LIMCH1: variants seen among roughly 807,000 people sequenced by gnomAD.
LIMCH1 encodes the protein LIM and calponin homology domains 1, also known as LIM and calponin homology domains-containing protein 1.
A neutral mutation model predicts 176.5 loss-of-function variants in LIMCH1; 113 were observed. The observed-to-expected ratio is 0.64, with a 90% CI of 0.55 to 0.75. The LOEUF is 0.75. Ranked by LOEUF, LIMCH1 falls within the 30% of genes least tolerant of loss-of-function variation. The pLI, the probability that LIMCH1 is intolerant of heterozygous loss-of-function variation, is 0.00. For synonymous variants in LIMCH1, 619 were observed against 645.9 expected (o/e 0.96, Z 0.63); for missense variants, 1,674 against 1,814.9 (o/e 0.92, Z 1.41).
intron 1 of LIMCH1, among the ~76,000 whole-genome samples, chr4:41,578,444 C>G (rs2084863545): frequency 6.6e-6 from 1 of 152,150 alleles, no homozygotes; most frequent in Admixed American, 6.5e-5. Flanking sequence ...CATAGTCAAA[C>G]CATATCAATT....
intron 18 of LIMCH1, among the ~76,000 whole-genome samples, chr4:41,656,381 G>A (rs1288582109): frequency 6.6e-6 from 1 of 152,096 alleles, no homozygotes; most frequent in Non-Finnish European, 1.5e-5. Flanking sequence ...TTGTAAGATT[G>A]CTAGATTTAA....
chr4:41,572,814 C>T (rs1029502861), intron 1 of LIMCH1, among the ~76,000 whole-genome samples: 7 of 152,260 alleles, frequency 4.6e-5, no homozygotes, highest in Non-Finnish European at 7.4e-5. Flanking sequence ...AGACATAAGG[C>T]AACGGGAATG....
chr4:41,566,048 G>C lies in LIMCH1; in HGVS notation c.-241+27698G>C, dbSNP rs1471536953. Among the ~76,000 whole-genome samples, 4 of 152,316 alleles carry C rather than the reference G, an allele frequency of 2.6e-5. No individual in the cohort carries two copies. In the East Asian group the frequency reaches 7.7e-4, roughly 29 times the overall value. The stretch of plus-strand genomic sequence containing the variant: ...TCACAAAATTAGTAAGACAGAGCCA[G>C]AGTTCAAACCAAAGTCTGTCTCATT... On this transcript the variant is annotated intron_variant, in intron 1 of 31. Coordinates refer to ENST00000503057, the MANE Select transcript of LIMCH1 (RefSeq NM_001330672.2).
chr4:41,575,698 G>T (rs1272939060), intron 1 of LIMCH1, among the ~76,000 whole-genome samples: 1 of 152,146 alleles, frequency 6.6e-6, no homozygotes, highest in African/African-American at 2.4e-5. Flanking sequence ...TATGTGAAAG[G>T]AGCTGTGTCT....
At chr4:41,614,068 T>G (rs2091786359) in intron 5 of LIMCH1, among the ~76,000 whole-genome samples, 1 of 152,172 alleles carries the variant, frequency 6.6e-6, no homozygotes, top group Non-Finnish European at 1.5e-5. Context: ...CAACTTCCAG[T>G]AAACTGGAAA....
intron 1 of LIMCH1, among the ~76,000 whole-genome samples, chr4:41,433,272 G>A (rs2061761405): frequency 6.6e-6 from 1 of 152,168 alleles, no homozygotes; most frequent in African/African-American, 2.4e-5. Flanking sequence ...TCTTACTGCT[G>A]TGCTGTGTCA....
At chr4:41,525,149 CT>C (rs2076497630) in intron 3 of LIMCH1, among the ~76,000 whole-genome samples, 1 of 152,072 alleles carries the variant, frequency 6.6e-6, no homozygotes, top group African/African-American at 2.4e-5. Flanking sequence ...TCGATGTTGC[CT>C]TTGTGTAGAA....
At chr4:41,660,107 T>C (rs1170389812) in intron 18 of LIMCH1, among the ~76,000 whole-genome samples, 1 of 152,196 alleles carries the variant, frequency 6.6e-6, no homozygotes, top group Non-Finnish European at 1.5e-5. Context: ...TAGGCATGTA[T>C]ATAATCATAT....
chr4:41,657,065 G>T (rs1320088897), intron 18 of LIMCH1, among the ~76,000 whole-genome samples: 1 of 152,076 alleles, frequency 6.6e-6, no homozygotes, highest in Non-Finnish European at 1.5e-5. Flanking sequence ...CCTCCCACCT[G>T]AGGCCCCAGG....
chr4:41,439,366 G>A (rs2062454411), intron 1 of LIMCH1, among the ~76,000 whole-genome samples: 1 of 152,124 alleles, frequency 6.6e-6, no homozygotes, highest in South Asian at 2.1e-4. Flanking sequence ...TGCATGGATC[G>A]CTTGAGCCCA....
chr4:41,596,247 G>A (rs972742592), intron 1 of LIMCH1, among the ~76,000 whole-genome samples: 4 of 150,952 alleles, frequency 2.6e-5, no homozygotes, highest in South Asian at 2.1e-4. Flanking sequence ...ACATGTAAAC[G>A]TACCAAATGA....
At chr4:41,473,035 A>G (rs1187220026) in intron 1 of LIMCH1, 1 of 984,354 alleles carries the variant, frequency 1.0e-6, no homozygotes, top group Admixed American at 6.2e-5. Context: ...GCCAATCTCC[A>G]CGAAATAATA....
At chr4:41,566,870 T>A (rs1487546028) in intron 1 of LIMCH1, among the ~76,000 whole-genome samples, 1 of 152,176 alleles carries the variant, frequency 6.6e-6, no homozygotes, top group African/African-American at 2.4e-5. Context: ...GCATCAGAAA[T>A]TGACCACTTC....
At chr4:41,644,657 G>C in intron 15 of LIMCH1, 31 bp downstream of exon 15, 2 of 1,587,662 alleles carry the variant, frequency 1.3e-6, no homozygotes, top group Non-Finnish European at 1.7e-6. Context: ...GCGGGCAGCG[G>C]GGAGGCTTCT....
chr4:41,512,224 G>T (rs182473551), intron 2 of LIMCH1, among the ~76,000 whole-genome samples: 92 of 152,248 alleles, frequency 6.0e-4, no homozygotes, highest in African/African-American at 2.1e-3. Flanking sequence ...CACCTACTAG[G>T]ATGGCTATAA....
chr4:41,477,317 A>G (rs1233737502), intron 1 of LIMCH1, among the ~76,000 whole-genome samples: 1 of 152,196 alleles, frequency 6.6e-6, no homozygotes, highest in Non-Finnish European at 1.5e-5. Context: ...GGGTACAGAC[A>G]GTAGCTTTAT....
At chr4:41,455,007 GCTT>G (rs1386080444) in intron 1 of LIMCH1, among the ~76,000 whole-genome samples, 1 of 144,492 alleles carries the variant, frequency 6.9e-6, no homozygotes, top group Non-Finnish European at 1.5e-5. Flanking sequence ...ATGAAGACAT[GCTT>G]CTTTGACTGA....
At chr4:41,459,573 A>G (rs1488205865) in intron 1 of LIMCH1, among the ~76,000 whole-genome samples, 2 of 152,048 alleles carry the variant, frequency 1.3e-5, no homozygotes, top group Admixed American at 6.5e-5. Context: ...AAGGGTTGGG[A>G]TTATAGGTGT....
intron 14 of LIMCH1, among the ~76,000 whole-genome samples, chr4:41,642,677 A>G (rs1231322739): frequency 2.0e-5 from 3 of 149,784 alleles, no homozygotes; most frequent in Non-Finnish European, 4.4e-5. Context: ...TCCTGCCTCA[A>G]CCTCCCTAGT....
Sources: gnomAD v4.1 joint callset for allele counts (sites outside exome capture counted in the v4.1 genomes callset) on GRCh38, gnomAD v4.1.1 for gene constraint, MANE v1.5 for transcripts, NCBI Gene and HGNC (gene_info 2026-07-23, HGNC 2026-07-21) for gene names.